Variants in SPTB observed in about 807,000 individuals in gnomAD.
The protein encoded by SPTB is spectrin beta, erythrocytic.
A neutral mutation model predicts 256.2 loss-of-function variants in SPTB; 45 were observed. That is an observed-to-expected ratio of 0.18 (90% CI 0.14 to 0.23). The LOEUF is 0.23. SPTB is among the 10% of genes least tolerant of loss of function. SPTB has a pLI of 1.00. For synonymous variants in SPTB, 1,231 were observed against 1,243.1 expected (o/e 0.99, Z 0.21); for missense variants, 2,715 against 3,040.4 (o/e 0.89, Z 2.52).
In SPTB at chr14:64,779,095, C is replaced by T. The variant is rs938161249; in HGVS notation, c.4563+62G>A. The T allele has an allele frequency of 2.8e-5, 39 of 1,410,812 alleles. No homozygotes were observed. The highest frequency in any genetic ancestry group is 5.4e-5 in the Admixed American group (3 of 55,582). 87.4% of individuals were successfully genotyped at this position (1,410,812 alleles called of 1,614,324 possible). A position where few individuals can be genotyped will look rare whatever the true frequency, so the allele number is the denominator to read the frequency against. On this transcript the variant is annotated intron_variant, in intron 22 of 35. Transcript: ENST00000644917. The surrounding 1 kb of genome is among the most constrained non-coding windows in gnomAD (Gnocchi z 4.2). ...CTGCAGGTCAGGGCTGGGCCTACCC[C>T]CGTGGGGCCAGGTGGGGGTGAGGAG...
intron 1 of SPTB, among the ~76,000 whole-genome samples, chr14:64,856,681 G>A (rs1249900278): frequency 6.6e-6 from 1 of 152,228 alleles, no homozygotes; most frequent in Non-Finnish European, 1.5e-5. Flanking sequence ...CAGGCAGAAC[G>A]TACCCTCCCT....
rs573494319 is a variant in SPTB, at chr14:64,779,439, C to T, written c.4474-193G>A. On this transcript the variant is annotated intron_variant, in intron 21 of 35. Coordinates refer to ENST00000644917, the MANE Select transcript of SPTB (RefSeq NM_001355436.2). This position sits in a 1 kb window ranked among gnomAD's most constrained non-coding sequence, Gnocchi z 4.2. ...GAACTGAGGTTCCAAATAACTTGCT[C>T]CTAGTCAGACAGTGGGAAGGTAATG... Among the ~76,000 whole-genome samples the T allele has an allele frequency of 3.3e-5, 5 of 152,294 alleles. No homozygotes were observed. The highest frequency in any genetic ancestry group is 2.6e-4 in the Admixed American group (4 of 15,296).
chr14:64,858,623 A>G (rs1015202655), intron 1 of SPTB, among the ~76,000 whole-genome samples: 1 of 152,070 alleles, frequency 6.6e-6, no homozygotes, highest in Non-Finnish European at 1.5e-5. Context: ...ACAGGAAAGG[A>G]GGGAAGAAGG....
chr14:64,804,778 C>A (rs1413011956), intron 3 of SPTB, among the ~76,000 whole-genome samples, 161 bp downstream of exon 3: 1 of 152,156 alleles, frequency 6.6e-6, no homozygotes, highest in Non-Finnish European at 1.5e-5. Context: ...TCAGAGAGAC[C>A]AGTCAGCCAC....
chr14:64,799,763 C>T lies in SPTB; in HGVS notation c.1048G>A (p.Val350Met), dbSNP rs141973081. The part of the protein sequence containing the change: ...QLQAFSTYRT[V>M]EKPPKFQEKG... ...GGCCCTTACTTGGGCGGCTTCTCCA[C>T]GGTGCGGTAGGTGCTGAAGGCCTGC... Residue 350 changes from valine (V) to methionine (M), a missense_variant, in exon 9 of 36, where the codon GTG becomes ATG. Physicochemically the swap from Val to Met is conservative, Grantham distance 21 (BLOSUM62 1). This residue lies in a region of SPTB where 416 missense variants were observed against 571.1 expected (regional missense o/e 0.73). Transcript: ENST00000644917. 3.8e-4 allele frequency: 616 copies of T among 1,614,182 alleles called. 1 individual carries two copies. Among genetic ancestry groups the T allele is most frequent in the East Asian group, 1.0e-3 (46 of 44,880 alleles).
chr14:64,859,626 C>T (rs1026461740), intron 1 of SPTB, among the ~76,000 whole-genome samples: 1 of 151,898 alleles, frequency 6.6e-6, no homozygotes, highest in Non-Finnish European at 1.5e-5. Flanking sequence ...TACCTGTGGT[C>T]CTAGTTATTT....
At chr14:64,768,362 A>G (rs751577982) in intron 29 of SPTB, 1 of 201,894 alleles carries the variant, frequency 5.0e-6, no homozygotes. Flanking sequence ...TTTTTAAGCT[A>G]TATTTTTCAC....
In SPTB at chr14:64,801,325, A is replaced by G. The variant is rs1329501051; in HGVS notation, c.723T>C (p.Ala241=). 1.9e-6 allele frequency: 3 copies of G among 1,614,192 alleles called. No homozygotes were observed. Among genetic ancestry groups the G allele is most frequent in the Middle Eastern group, 1.6e-4 (1 of 6,062 alleles). ...GCGGGATGATGCCCAGCTGGCGCTC[A>G]GCCACATTGAATGCGTGCTCCAGGT... is the stretch of plus-strand genomic sequence containing the variant. ...RHNLEHAFNV[A]ERQLGIIPLL... The change falls in exon 7 of 36, where the codon GCT becomes GCC. Residue 241 remains alanine, a synonymous_variant. Transcript: ENST00000644917.
At chr14:64,752,959 C>T (rs73273573) in intron 33 of SPTB, among the ~76,000 whole-genome samples, 3,202 of 152,038 alleles carry the variant, frequency 0.021, 105 homozygotes, top group African/African-American at 0.073. Flanking sequence ...CAGGAAAGGA[C>T]GCAGCCTTTG....
chr14:64,848,547 T>A (rs541612513), intron 1 of SPTB, among the ~76,000 whole-genome samples: 1 of 152,352 alleles, frequency 6.6e-6, no homozygotes, highest in South Asian at 2.1e-4. Context: ...ACCTCTGATA[T>A]TCAATTTTCA....
At chr14:64,751,497 T>C (rs2081949793) in intron 33 of SPTB, among the ~76,000 whole-genome samples, 1 of 152,150 alleles carries the variant, frequency 6.6e-6, no homozygotes, top group African/African-American at 2.4e-5. Context: ...TGATGAACCT[T>C]ATAATACTGG....
In SPTB at chr14:64,785,891, G is replaced by A. The variant is rs374240422; in HGVS notation, c.3622C>T (p.Arg1208Trp). The A allele has an allele frequency of 3.7e-5, 60 of 1,613,934 alleles. 1 individual carries two copies. The highest frequency in any genetic ancestry group is 4.5e-5 in the East Asian group (2 of 44,878). The change falls in exon 17 of 36, where the codon CGG becomes TGG. Residue 1208 changes from arginine to tryptophan, a missense_variant. Around this residue, in one of 4 missense-constraint regions of SPTB, gnomAD observed 2,239 missense variants for 2,384.4 expected, o/e 0.94. Coordinates refer to ENST00000644917, the MANE Select transcript of SPTB (RefSeq NM_001355436.2). The surrounding 1 kb of genome is among the most constrained non-coding windows in gnomAD (Gnocchi z 4.4). ...GACCCCAAGAAATCCTCAAACTTCC[G>A]GATCCCAGCCTCTGCAGCTTCCAGG... ...DSLEAAEAGI[R>W]KFEDFLGSME...
At chr14:64,751,028 T>A (rs1316255314) in intron 33 of SPTB, among the ~76,000 whole-genome samples, 2 of 145,722 alleles carry the variant, frequency 1.4e-5, no homozygotes, top group Non-Finnish European at 3.0e-5. Flanking sequence ...ATGTTATATA[T>A]TATATATGTA....
Position 64,844,521 on chromosome 14 carries a change from C to A in SPTB, c.-51-21376G>T, listed in dbSNP as rs2083659397. 6.6e-6 allele frequency among the ~76,000 whole-genome samples: 1 copy of A among 152,192 alleles called. No individual in the cohort carries two copies. Among genetic ancestry groups the A allele is most frequent in the African/African-American group, 2.4e-5 (1 of 41,438 alleles). ...TTATAAATGAAGAAACTGAAGCTCACAGAAGTTAAGCTACTTGCCCAAAGT... is the reference window on the plus strand; with the variant it reads ...TTATAAATGAAGAAACTGAAGCTCAAAGAAGTTAAGCTACTTGCCCAAAGT... On this transcript the variant is annotated intron_variant, in intron 1 of 35. Transcript: ENST00000644917. This position sits in a 1 kb window ranked among gnomAD's most constrained non-coding sequence, Gnocchi z 4.1.
At position 64,826,391 on chromosome 14, in the gene SPTB, G is replaced by C. The variant is rs544539180; in HGVS notation, c.-51-3246C>G. Among the ~76,000 whole-genome samples the C allele has an allele frequency of 2.0e-5, 3 of 152,296 alleles. No individual in the cohort carries two copies. In the South Asian group the frequency reaches 6.2e-4, roughly 32 times the overall value. On this transcript the variant is annotated intron_variant, in intron 1 of 35. Coordinates refer to ENST00000644917, the MANE Select transcript of SPTB (RefSeq NM_001355436.2). This position sits in a 1 kb window ranked among gnomAD's most constrained non-coding sequence, Gnocchi z 4.4. ...TGACTGAAAAAAACAGCATATGTTG[G>C]GGCTCATGGTGGGGACACCTAATTG...
In SPTB at chr14:64,793,942, A is replaced by C; in HGVS notation, c.1796-75T>G. The C allele has an allele frequency of 1.3e-6, 2 of 1,489,908 alleles. No individual in the cohort carries two copies. The highest frequency in any genetic ancestry group is 2.6e-5 in the South Asian group (2 of 76,722). The allele number at this position is 1,489,908 out of a possible 1,614,324, so 92.3% of individuals were successfully genotyped here. On this transcript the variant is annotated intron_variant, in intron 13 of 35. Coordinates refer to ENST00000644917, the MANE Select transcript of SPTB (RefSeq NM_001355436.2). The surrounding 1 kb of genome is among the most constrained non-coding windows in gnomAD (Gnocchi z 7.0). ...ATGGGCACGCTTCAGATAAGCTGCT[A>C]GGTTGGAACTACACAACCCTGAAGC...
chr14:64,786,179 C>A lies in SPTB; in HGVS notation c.3561+225G>T, dbSNP rs1193183760. On this transcript the variant is annotated intron_variant, in intron 16 of 35. Coordinates refer to ENST00000644917, the MANE Select transcript of SPTB (RefSeq NM_001355436.2). This position sits in a 1 kb window ranked among gnomAD's most constrained non-coding sequence, Gnocchi z 5.6. ...CACATGGAAGGCTAACCACCCAGGG[C>A]AAAATGCGCTTCTCTAGCCTCTGAT... Among the ~76,000 whole-genome samples, 1 of 152,266 alleles carries A rather than the reference C, an allele frequency of 6.6e-6. No individual in the cohort carries two copies. The highest frequency in any genetic ancestry group is 2.4e-5 in the African/African-American group (1 of 41,550).
rs1037217255 is a variant in SPTB, at chr14:64,809,407, G to A, written c.149-4317C>T. Among the ~76,000 whole-genome samples the A allele has an allele frequency of 2.0e-5, 3 of 151,020 alleles. No homozygotes were observed. In the East Asian group the frequency reaches 6.0e-4, roughly 30 times the overall value. ...GTTGCCTAGGCTGGAGTGCAGTGGT[G>A]TGATCTCGGCTCACTGCAACCTCCG... is the stretch of plus-strand genomic sequence containing the variant. On this transcript the variant is annotated intron_variant, in intron 2 of 35. Coordinates refer to ENST00000644917, the MANE Select transcript of SPTB (RefSeq NM_001355436.2).
chr14:64,783,346 C>A (rs229637), intron 19 of SPTB, among the ~76,000 whole-genome samples: 1 of 152,018 alleles, frequency 6.6e-6, no homozygotes, highest in Non-Finnish European at 1.5e-5. Flanking sequence ...GGATTACAGG[C>A]GTATGCCACC....
Sources: gnomAD v4.1 joint callset for allele counts (sites outside exome capture counted in the v4.1 genomes callset) on GRCh38, gnomAD v4.1.1 for gene constraint, gnomAD v4.1.1 regional missense constraint, Gnocchi (gnomAD v3.1) non-coding constraint, MANE v1.5 for transcripts, NCBI Gene and HGNC (gene_info 2026-07-23, HGNC 2026-07-21) for gene names.